The following ESCO1 variants were observed in gnomAD, a reference collection of about 807,000 sequenced individuals.
ESCO1 encodes the protein N-acetyltransferase ESCO1.
ESCO1 carries 33 observed loss-of-function variants against 83.5 expected under a neutral mutation model. That is an observed-to-expected ratio of 0.40 (90% CI 0.30 to 0.53). The LOEUF (loss-of-function observed/expected upper bound fraction) is 0.53, where lower values mean the gene tolerates loss of function less well. Among genes scored for constraint, ESCO1 ranks in the 20% least tolerant of loss-of-function variants. The pLI is 0.63. For missense variants in ESCO1, 855 were observed against 968.0 expected (o/e 0.88, Z 1.55); for synonymous variants, 332 against 324.3 (o/e 1.02, Z -0.25).
intron 1 of ESCO1, among the ~76,000 whole-genome samples, chr18:21,585,495 G>T (rs2038562695): frequency 6.6e-6 from 1 of 152,074 alleles, no homozygotes; most frequent in African/African-American, 2.4e-5. Context: ...TAAATGTATG[G>T]TTTTATTTCT....
chr18:21,570,028 T>C (rs2038318590), intron 4 of ESCO1, among the ~76,000 whole-genome samples: 1 of 152,194 alleles, frequency 6.6e-6, no homozygotes. Flanking sequence ...CCACATTTCC[T>C]GATCACTCTG....
In ESCO1 at chr18:21,574,066, T is replaced by A. The variant is rs372198740; in HGVS notation, c.778A>T (p.Asn260Tyr). The A allele has an allele frequency of 2.2e-5, 35 of 1,612,620 alleles. No homozygotes were observed. The highest frequency in any genetic ancestry group is 2.7e-5 in the African/African-American group (2 of 74,868). The change falls in exon 4 of 12, where the codon AAT (asparagine) becomes TAT (tyrosine). Residue 260 changes from asparagine to tyrosine, a missense_variant. By Grantham distance (143) the Asn-to-Tyr change is moderately radical. Coordinates refer to ENST00000269214, the MANE Select transcript of ESCO1 (RefSeq NM_052911.3). ...GTATGAACCGACTTCTTCATCTCAT[T>A]CTTTTTCGGGACCACTGAAGTAGCC... Reference protein sequence around the residue: ...KMATSVVPKKNEMKKSVHTQV... With the variant: ...KMATSVVPKKYEMKKSVHTQV...
chr18:21,538,990 T>C (rs1598977722), intron 9 of ESCO1, among the ~76,000 whole-genome samples: 1 of 152,042 alleles, frequency 6.6e-6, no homozygotes, highest in Non-Finnish European at 1.5e-5. Context: ...ATTCATTATC[T>C]GGTTCACTTC....
chr18:21,583,175 C>CT (rs1324144779), intron 2 of ESCO1, among the ~76,000 whole-genome samples: 1 of 151,950 alleles, frequency 6.6e-6, no homozygotes, highest in East Asian at 1.9e-4. Context: ...GAGCGAGACT[C>CT]TGTCTCAAAA....
intron 8 of ESCO1, among the ~76,000 whole-genome samples, 192 bp downstream of exon 8, chr18:21,560,667 G>A (rs1045027244): frequency 1.3e-5 from 2 of 152,076 alleles, no homozygotes; most frequent in Non-Finnish European, 2.9e-5. Context: ...AAACCAGTCA[G>A]AATAAATTAG....
intron 8 of ESCO1, among the ~76,000 whole-genome samples, chr18:21,550,499 TTCACA>T (rs758909181): frequency 4.5e-4 from 69 of 152,204 alleles, no homozygotes; most frequent in South Asian, 8.3e-4. Context: ...TTTATTAGGA[TTCACA>T]TTTTAAGCAC....
intron 8 of ESCO1, among the ~76,000 whole-genome samples, chr18:21,555,468 G>A (rs1431056554): frequency 6.6e-6 from 1 of 152,126 alleles, no homozygotes; most frequent in Non-Finnish European, 1.5e-5. Context: ...CTATGATAAG[G>A]GATGTTGACA....
At chr18:21,586,441 C>T (rs905176452) in intron 1 of ESCO1, among the ~76,000 whole-genome samples, 2 of 152,180 alleles carry the variant, frequency 1.3e-5, no homozygotes, top group Non-Finnish European at 2.9e-5. Context: ...TAGATTGATT[C>T]CATGTCTTGC....
At chr18:21,583,949 A>C (rs1378935816) in intron 2 of ESCO1, among the ~76,000 whole-genome samples, 1 of 152,238 alleles carries the variant, frequency 6.6e-6, no homozygotes, top group African/African-American at 2.4e-5. Flanking sequence ...AAACCAAAAA[A>C]GCAAAGTGCA....
chr18:21,593,886 A>C (rs2038722723), intron 1 of ESCO1, among the ~76,000 whole-genome samples: 1 of 152,064 alleles, frequency 6.6e-6, no homozygotes, highest in Non-Finnish European at 1.5e-5. Flanking sequence ...CCCATAGCTA[A>C]CTAGATCAAG....
chr18:21,540,818 CTAGTTGT>C (rs1430847884), intron 8 of ESCO1: 2 of 852,354 alleles, frequency 2.3e-6, no homozygotes, highest in Non-Finnish European at 2.9e-6. Flanking sequence ...ATGAGCTTAA[CTAGTTGT>C]TCCAGTTGTC....
intron 6 of ESCO1, 152 bp from the exon 7 acceptor site, chr18:21,564,469 C>T (rs1238045261): frequency 9.4e-6 from 5 of 529,226 alleles, no homozygotes; most frequent in South Asian, 2.2e-5. Flanking sequence ...TGGCTCACTG[C>T]AAACTTTGCC....
chr18:21,555,980 C>T (rs372697420), intron 8 of ESCO1, among the ~76,000 whole-genome samples: 7 of 151,934 alleles, frequency 4.6e-5, no homozygotes, highest in African/African-American at 1.2e-4. Flanking sequence ...ACAGGGTGGG[C>T]GCAGTGGATC....
intron 8 of ESCO1, among the ~76,000 whole-genome samples, chr18:21,556,923 TCTC>T (rs1194223256): frequency 6.6e-6 from 1 of 152,106 alleles, no homozygotes; most frequent in African/African-American, 2.4e-5. Flanking sequence ...TTAGTCTTGA[TCTC>T]CTGATCTCAA....
chr18:21,530,547 A>G (rs1472600652), intron 11 of ESCO1, 57 bp from the exon 12 acceptor site: 48 of 1,492,414 alleles, frequency 3.2e-5, no homozygotes, highest in Non-Finnish European at 4.2e-5. Context: ...AAAAAAAAAA[A>G]AATTCTAATC....
At chr18:21,568,492 G>A (rs1236290316) in intron 4 of ESCO1, among the ~76,000 whole-genome samples, 1 of 151,858 alleles carries the variant, frequency 6.6e-6, no homozygotes, top group Non-Finnish European at 1.5e-5. Flanking sequence ...TCCAAGTTTC[G>A]TCTGTCTAGA....
chr18:21,554,022 G>A (rs1196976616), intron 8 of ESCO1, among the ~76,000 whole-genome samples: 1 of 151,968 alleles, frequency 6.6e-6, no homozygotes, highest in African/African-American at 2.4e-5. Flanking sequence ...ATATACAAAT[G>A]GAAAATAAAC....
intron 2 of ESCO1, among the ~76,000 whole-genome samples, chr18:21,577,632 C>G (rs1319886616): frequency 2.7e-5 from 4 of 149,688 alleles, no homozygotes; most frequent in African/African-American, 9.9e-5. Flanking sequence ...TGCACTCTAG[C>G]CTGGCCGACA....
chr18:21,550,696 A>G (rs1163305057), intron 8 of ESCO1, among the ~76,000 whole-genome samples: 1 of 152,186 alleles, frequency 6.6e-6, no homozygotes, highest in Non-Finnish European at 1.5e-5. Flanking sequence ...CAAAGCCAAC[A>G]AGTCTATTAC....
Sources: allele counts gnomAD v4.1 joint callset (sites outside exome capture counted in the v4.1 genomes callset), GRCh38; gene constraint gnomAD v4.1.1; transcripts MANE v1.5; gene names NCBI Gene and HGNC (gene_info 2026-07-23, HGNC 2026-07-21).